Variants in ST8SIA4 observed in about 807,000 individuals in gnomAD.
ST8SIA4 encodes CMP-N-acetylneuraminate-poly-alpha-2,8-sialyltransferase.
In ST8SIA4, 15 loss-of-function variants were observed where a neutral mutation model predicts 33.9. The ratio of observed to expected loss-of-function variants is 0.44; its 90% CI spans 0.30 to 0.68. ST8SIA4 has a LOEUF of 0.68. Ranked by LOEUF, ST8SIA4 falls within the 30% of genes least tolerant of loss-of-function variation. The probability of loss-of-function intolerance (pLI) is 0.10; values close to 1 mark genes in which losing one functional copy is unlikely to be tolerated. For synonymous variants in ST8SIA4, 171 were observed against 151.2 expected (o/e 1.13, Z -0.96); for missense variants, 321 against 428.0 (o/e 0.75, Z 2.21).
chr5:100,836,848 T>C (rs532833506), intron 4 of ST8SIA4, among the ~76,000 whole-genome samples: 13 of 152,170 alleles, frequency 8.5e-5, no homozygotes, highest in African/African-American at 2.6e-4. Flanking sequence ...AGAAAATTGC[T>C]ACTGTTCCGT....
At chr5:100,834,054 C>A (rs1561388560) in intron 4 of ST8SIA4, among the ~76,000 whole-genome samples, 1 of 152,100 alleles carries the variant, frequency 6.6e-6, no homozygotes, top group African/African-American at 2.4e-5. Context: ...AGGATATCAT[C>A]TTAATCAAAT....
At chr5:100,846,726 A>G (rs1256362186) in intron 4 of ST8SIA4, among the ~76,000 whole-genome samples, 1 of 152,068 alleles carries the variant, frequency 6.6e-6, no homozygotes, top group Non-Finnish European at 1.5e-5. Flanking sequence ...ATGAAAGCTT[A>G]ACTACTCTTC....
At chr5:100,862,852 G>GTCT (rs768836530) in intron 3 of ST8SIA4, among the ~76,000 whole-genome samples, 2 of 152,168 alleles carry the variant, frequency 1.3e-5, no homozygotes, top group Non-Finnish European at 2.9e-5. Context: ...ATTTGTCCAA[G>GTCT]AGTACATAGT....
chr5:100,849,999 G>T (rs1158865871), intron 4 of ST8SIA4, among the ~76,000 whole-genome samples: 11 of 151,954 alleles, frequency 7.2e-5, no homozygotes, highest in Non-Finnish European at 2.9e-5. Context: ...TAAGTATACA[G>T]GTATCTTATG....
intron 3 of ST8SIA4, chr5:100,886,079 G>T: frequency 1.7e-6 from 2 of 1,182,104 alleles, no homozygotes; most frequent in Non-Finnish European, 2.1e-6. Flanking sequence ...TAATAAAATT[G>T]CCATTTGCCT....
chr5:100,868,001 T>A (rs1408537868), intron 3 of ST8SIA4, among the ~76,000 whole-genome samples: 3 of 152,028 alleles, frequency 2.0e-5, no homozygotes, highest in African/African-American at 7.2e-5. Flanking sequence ...TTGACCTAGC[T>A]GTAATGCCTG....
At chr5:100,885,342 T>C (rs1541676) in intron 3 of ST8SIA4, 276,960 of 945,084 alleles carry the variant, frequency 0.29, 43,027 homozygotes, top group Non-Finnish European at 0.31. Flanking sequence ...TTATTTGCTA[T>C]TATGAATTTT....
chr5:100,833,321 G>A (rs1201346175), intron 4 of ST8SIA4, among the ~76,000 whole-genome samples: 1 of 151,938 alleles, frequency 6.6e-6, no homozygotes, highest in South Asian at 2.1e-4. Flanking sequence ...GACACACAGG[G>A]TTTTTGTATT....
chr5:100,894,587 A>G (rs894919307), intron 2 of ST8SIA4, among the ~76,000 whole-genome samples: 14 of 152,092 alleles, frequency 9.2e-5, no homozygotes, highest in African/African-American at 3.1e-4. Context: ...CCATATTTTT[A>G]AAATTTCCAG....
At position 100,807,380 on chromosome 5, in the gene ST8SIA4, G is replaced by C. The variant is rs13857; in HGVS notation, c.*4467C>G. 43,937 of 152,332 alleles carry C rather than the reference G, an allele frequency of 0.29. 6,609 individuals carry two copies. Among genetic ancestry groups the C allele is most frequent in the Non-Finnish European group, 0.33 (22,411 of 67,858 alleles). 9.4% of individuals were successfully genotyped at this position (152,332 alleles called of 1,614,324 possible). A position where few individuals can be genotyped will look rare whatever the true frequency, so the allele number is the denominator to read the frequency against. ...AGAAATACTCAGTAGCAATTATTCT[G>C]TGCAGCAATGCTATCTCTGTAAACT... On this transcript the variant is annotated 3_prime_UTR_variant, in exon 5 of 5. Transcript: ENST00000231461.
chr5:100,872,743 T>G (rs1752222928), intron 3 of ST8SIA4, among the ~76,000 whole-genome samples: 1 of 152,070 alleles, frequency 6.6e-6, no homozygotes, highest in Admixed American at 6.6e-5. Flanking sequence ...CCTCTTTTCT[T>G]TATAAATTAC....
intron 4 of ST8SIA4, among the ~76,000 whole-genome samples, chr5:100,839,310 TG>T (rs1179616690): frequency 6.6e-6 from 1 of 152,014 alleles, no homozygotes; most frequent in Admixed American, 6.6e-5. Context: ...ATAAATAATA[TG>T]GCACACCATC....
Position 100,886,242 on chromosome 5 carries a change from T to C in ST8SIA4, c.503+101A>G, listed in dbSNP as rs1294884410. ...AAGGATATCATAGACAAATATTTGT[T>C]TGAGGTTTTAGTAATACTTTAAAAT... On this transcript the variant is annotated intron_variant, in intron 3 of 4. Transcript: ENST00000231461. 3.3e-6 allele frequency: 5 copies of C among 1,503,274 alleles called. No individual in the cohort carries two copies. The African/African-American group carries it at 4.2e-5, about 13-fold the overall frequency. The allele number at this position is 1,503,274 out of a possible 1,614,324, so 93.1% of individuals were successfully genotyped here.
Position 100,895,896 on chromosome 5 carries a change from C to T in ST8SIA4, c.114-111G>A. 3.4e-6 allele frequency: 4 copies of T among 1,190,948 alleles called. No individual in the cohort carries two copies. In the South Asian group the frequency reaches 5.3e-5, roughly 16 times the overall value. The allele number at this position is 1,190,948 out of a possible 1,614,324, so 73.8% of individuals were successfully genotyped here. The stretch of plus-strand genomic sequence containing the variant: ...GTGATGAATTTTAGATACTTTTTCC[C>T]CTACAAGTTAGAAGGAAATACGCAA... On this transcript the variant is annotated intron_variant, in intron 1 of 4. Transcript: ENST00000231461.
chr5:100,844,379 C>G (rs1279531389), intron 4 of ST8SIA4, among the ~76,000 whole-genome samples: 1 of 151,840 alleles, frequency 6.6e-6, no homozygotes, highest in Non-Finnish European at 1.5e-5. Context: ...AGGGAGAGTA[C>G]AAGCACCTAC....
At chr5:100,861,282 T>A (rs1751935838) in intron 3 of ST8SIA4, among the ~76,000 whole-genome samples, 1 of 151,822 alleles carries the variant, frequency 6.6e-6, no homozygotes, top group Non-Finnish European at 1.5e-5. Flanking sequence ...ATCATGAAAA[T>A]AATGAAATGA....
chr5:100,839,834 A>C (rs949576902), intron 4 of ST8SIA4, among the ~76,000 whole-genome samples: 6 of 151,852 alleles, frequency 4.0e-5, no homozygotes, highest in African/African-American at 1.4e-4. Context: ...CTGCTCCTGG[A>C]ATCAGCAACT....
At chr5:100,816,041 A>G (rs1308083589) in intron 4 of ST8SIA4, among the ~76,000 whole-genome samples, 2 of 152,198 alleles carry the variant, frequency 1.3e-5, no homozygotes, top group African/African-American at 4.8e-5. Context: ...TTTAACCTCA[A>G]TGGACATGTT....
At chr5:100,826,172 G>A (rs922254882) in intron 4 of ST8SIA4, among the ~76,000 whole-genome samples, 1 of 151,980 alleles carries the variant, frequency 6.6e-6, no homozygotes, top group African/African-American at 2.4e-5. Flanking sequence ...AAAGAAATTG[G>A]AACTATATGG....
Sources: gnomAD v4.1 joint callset for allele counts (sites outside exome capture counted in the v4.1 genomes callset) on GRCh38, gnomAD v4.1.1 for gene constraint, MANE v1.5 for transcripts, NCBI Gene and HGNC (gene_info 2026-07-23, HGNC 2026-07-21) for gene names.